SLC68A1: variants seen among roughly 807,000 people sequenced by gnomAD.
The protein encoded by SLC68A1 is major facilitator superfamily domain containing 13A.
At chr10:102,469,149 C>T in the SLC68A1 span, 566 of 1,613,982 alleles carry the variant, frequency 3.5e-4, 2 homozygotes, top group Middle Eastern at 3.9e-3. Context: ...ATGTGGACAC[C>T]TTTGTCTCAG....
At chr10:102,474,712 A>G in the SLC68A1 span, among the ~76,000 whole-genome samples, 1 of 152,084 alleles carries the variant, frequency 6.6e-6, no homozygotes, top group Non-Finnish European at 1.5e-5. Flanking sequence ...CAGTGGCACG[A>G]TCTTGGCTCA....
chr10:102,473,101 C>T, the SLC68A1 span: 3 of 692,130 alleles, frequency 4.3e-6, no homozygotes, highest in East Asian at 2.7e-5. Flanking sequence ...ACTGGGATTA[C>T]AGGTGTGAGC....
the SLC68A1 span, chr10:102,473,469 C>A: frequency 8.2e-7 from 1 of 1,214,756 alleles, no homozygotes; most frequent in Non-Finnish European, 1.2e-6. Flanking sequence ...GAGCCCAGTG[C>A]ATCGCTAGTG....
At chr10:102,470,854 C>T in the SLC68A1 span, 1 of 1,613,476 alleles carries the variant, frequency 6.2e-7, no homozygotes, top group Middle Eastern at 1.6e-4. Context: ...ACCACCATGC[C>T]TTGCTGGCCG....
At chr10:102,467,130 G>C in the SLC68A1 span, among the ~76,000 whole-genome samples, 1 of 152,202 alleles carries the variant, frequency 6.6e-6, no homozygotes, top group Non-Finnish European at 1.5e-5. Flanking sequence ...CTCCACCTCT[G>C]GGGTTCAAGC....
chr10:102,476,714 G>C, the SLC68A1 span: 1 of 986,118 alleles, frequency 1.0e-6, no homozygotes, highest in Non-Finnish European at 1.2e-6. Flanking sequence ...AGAGGACCAA[G>C]AAGGGAGGGG....
At chr10:102,473,647 G>A in the SLC68A1 span, 1 of 1,614,114 alleles carries the variant, frequency 6.2e-7, no homozygotes, top group Non-Finnish European at 8.5e-7. Flanking sequence ...CTACGCGGTG[G>A]TGCGGGGGCT....
At chr10:102,461,624 G>C in the SLC68A1 span, among the ~76,000 whole-genome samples, 5 of 152,214 alleles carry the variant, frequency 3.3e-5, no homozygotes, top group East Asian at 9.6e-4. Context: ...GAGTTGTGTG[G>C]TCCGGGCGGA....
the SLC68A1 span, among the ~76,000 whole-genome samples, chr10:102,467,793 A>C: frequency 6.6e-6 from 1 of 152,010 alleles, no homozygotes; most frequent in Non-Finnish European, 1.5e-5. Context: ...AGTAGCTGGG[A>C]TTACAGGCAT....
At chr10:102,475,515 T>C in the SLC68A1 span, among the ~76,000 whole-genome samples, 1 of 152,006 alleles carries the variant, frequency 6.6e-6, no homozygotes, top group African/African-American at 2.4e-5. Flanking sequence ...AGGAGGACTT[T>C]GAGGTTTTGG....
the SLC68A1 span, chr10:102,476,025 G>C: frequency 7.2e-7 from 1 of 1,394,588 alleles, no homozygotes; most frequent in South Asian, 1.7e-5. Flanking sequence ...GCTGCTGGCA[G>C]CCTGGGGAAG....
chr10:102,474,691 A>C, the SLC68A1 span, among the ~76,000 whole-genome samples: 1 of 152,138 alleles, frequency 6.6e-6, no homozygotes, highest in Non-Finnish European at 1.5e-5. Flanking sequence ...CCTGTCACCC[A>C]GGCTGGAGTG....
chr10:102,476,228 C>A, the SLC68A1 span: 2 of 518,758 alleles, frequency 3.9e-6, no homozygotes, highest in Non-Finnish European at 5.8e-6. Flanking sequence ...CCACCATGCC[C>A]GGCTACTTTT....
chr10:102,473,440 C>A, the SLC68A1 span: 1 of 925,086 alleles, frequency 1.1e-6, no homozygotes, highest in Non-Finnish European at 1.6e-6. Context: ...TGAACTAAGA[C>A]AGTGAAGCTC....
chr10:102,465,670 T>C, the SLC68A1 span, among the ~76,000 whole-genome samples: 1 of 151,994 alleles, frequency 6.6e-6, no homozygotes, highest in Non-Finnish European at 1.5e-5. Flanking sequence ...GGTTACAGGA[T>C]TTCTCACCAG....
the SLC68A1 span, chr10:102,470,616 C>A: frequency 1.3e-6 from 2 of 1,573,378 alleles, no homozygotes; most frequent in South Asian, 1.2e-5. Flanking sequence ...GAACTTCAGC[C>A]TGCCAAGTCT....
the SLC68A1 span, chr10:102,472,934 G>A: frequency 3.7e-6 from 6 of 1,613,672 alleles, no homozygotes; most frequent in East Asian, 4.5e-5. Context: ...CCCTTTCCAC[G>A]GGCTCCATCC....
At chr10:102,473,764 C>T in the SLC68A1 span, 22 of 1,608,654 alleles carry the variant, frequency 1.4e-5, no homozygotes, top group African/African-American at 4.0e-5. Flanking sequence ...CCACGCTCCC[C>T]GCAACACCTC....
At chr10:102,469,632 C>T in the SLC68A1 span, among the ~76,000 whole-genome samples, 46 of 151,902 alleles carry the variant, frequency 3.0e-4, 1 homozygote, top group Non-Finnish European at 3.7e-4. Flanking sequence ...CTGCAACCTC[C>T]GCCTTCGTGG....
Sources: allele counts gnomAD v4.1 joint callset (sites outside exome capture counted in the v4.1 genomes callset), GRCh38; gene constraint gnomAD v4.1.1; transcripts MANE v1.5; gene names NCBI Gene and HGNC (gene_info 2026-07-23, HGNC 2026-07-21).